RSRC2: variants seen among roughly 807,000 people sequenced by gnomAD.
RSRC2 encodes the protein arginine and serine rich coiled-coil 2.
In RSRC2, 5 loss-of-function variants were observed where a neutral mutation model predicts 61.3. The observed-to-expected ratio is 0.08, with a 90% confidence interval of 0.04 to 0.17. The LOEUF is 0.17. Among genes scored for constraint, RSRC2 ranks in the 10% least tolerant of loss-of-function variants. RSRC2 has a pLI of 1.00. For synonymous variants in RSRC2, 202 were observed against 166.5 expected (o/e 1.21, Z -1.64); for missense variants, 381 against 518.8 (o/e 0.73, Z 2.58).
intron 6 of RSRC2, chr12:122,513,890 A>C (rs1423293660): frequency 7.1e-6 from 6 of 847,326 alleles, no homozygotes; most frequent in African/African-American, 1.8e-5. Flanking sequence ...AAAAATACAA[A>C]AATTAGCCAG....
chr12:122,525,429 T>C (rs564334725), intron 1 of RSRC2, among the ~76,000 whole-genome samples: 2 of 152,162 alleles, frequency 1.3e-5, no homozygotes, highest in South Asian at 4.2e-4. Context: ...ACTCTTTAAG[T>C]ATACTGAGGC....
Position 122,517,358 on chromosome 12 carries a change from G to A in RSRC2, c.471C>T (p.Ser157=). 2 of 1,614,028 alleles carry A rather than the reference G, an allele frequency of 1.2e-6. No homozygotes were observed. The highest frequency in any genetic ancestry group is 4.5e-5 in the East Asian group (2 of 44,882). ...TCGATTTCTTCCTCTCTCTGCTTCT[G>A]GATCTCGATTTCTTCCGCTCCCTAC... The part of the protein sequence containing the change: ...SRSRERKKSR[S]RSRERKKSRS... The change falls in exon 5 of 10, where the codon TCC becomes TCT. Residue 157 remains serine, a synonymous_variant. Coordinates refer to ENST00000331738, the MANE Select transcript of RSRC2 (RefSeq NM_023012.6).
At chr12:122,523,815 T>C (rs1418268972) in intron 1 of RSRC2, 1 of 152,186 alleles carries the variant, frequency 6.6e-6, no homozygotes, top group African/African-American at 2.4e-5. Flanking sequence ...GTCGAGTTAC[T>C]TCAACAAGTA....
At position 122,517,423 on chromosome 12, in the gene RSRC2, G is replaced by C. The variant is rs772016452; in HGVS notation, c.406C>G (p.Arg136Gly). The C allele has an allele frequency of 6.2e-7, 1 of 1,613,970 alleles. No homozygotes were observed. Among genetic ancestry groups the C allele is most frequent in the Non-Finnish European group, 8.5e-7 (1 of 1,179,982 alleles). The change falls in exon 5 of 10, where the codon CGT becomes GGT. Residue 136 changes from arginine to glycine, a missense_variant. This residue lies in a region of RSRC2 where 266 missense variants were observed against 270.5 expected (regional missense o/e 0.98). Transcript: ENST00000331738. ...SRSRSRERRH[R>G]SRSRERKKSR... ...TTCTTCCGCTCCCTGCTTCTACTAC[G>C]ATGGCGTCTGAAATTAAAGTGCACA...
At chr12:122,517,557 GAAAT>G (rs1565900125) in intron 4 of RSRC2, 127 bp from the exon 5 acceptor site, 2 of 1,106,748 alleles carry the variant, frequency 1.8e-6, no homozygotes, top group Non-Finnish European at 1.3e-6. Flanking sequence ...ATTATTTACA[GAAAT>G]AAGCGAGATT....
intron 9 of RSRC2, chr12:122,506,600 C>G: frequency 2.4e-6 from 1 of 417,326 alleles, no homozygotes; most frequent in Non-Finnish European, 4.3e-6. Context: ...ACAGAGCAAG[C>G]AGAGCAAAAC....
chr12:122,517,254 C>G lies in RSRC2; in HGVS notation c.575G>C (p.Ser192Thr). 1 of 1,614,174 alleles carries G rather than the reference C, an allele frequency of 6.2e-7. No individual in the cohort carries two copies. The highest frequency in any genetic ancestry group is 8.5e-7 in the Non-Finnish European group (1 of 1,180,028). ...ACTCCTACTCCTTGTCCTACTCCTGCTTCTAGTCCTATGCCTGTGTCTTGA... is the reference window on the plus strand; with the variant it reads ...ACTCCTACTCCTTGTCCTACTCCTGGTTCTAGTCCTATGCCTGTGTCTTGA... ...SRSRHRHRTR[S>T]RSRTRSRSRD... Residue 192 changes from serine to threonine, a missense_variant, in exon 5 of 10, where the codon AGC (serine) becomes ACC (threonine). Ser to Thr is a moderately conservative substitution (Grantham distance 58, BLOSUM62 1). Coordinates refer to ENST00000331738, the MANE Select transcript of RSRC2 (RefSeq NM_023012.6).
intron 7 of RSRC2, among the ~76,000 whole-genome samples, chr12:122,509,594 C>T (rs1468880377): frequency 6.6e-6 from 1 of 152,104 alleles, no homozygotes; most frequent in Non-Finnish European, 1.5e-5. Flanking sequence ...CTCTGATTAC[C>T]TATTTTTGTC....
At chr12:122,509,466 A>C (rs1348764229) in intron 7 of RSRC2, among the ~76,000 whole-genome samples, 1 of 151,670 alleles carries the variant, frequency 6.6e-6, no homozygotes, top group East Asian at 1.9e-4. Context: ...AAAAACAAAA[A>C]CAAAAACAAA....
chr12:122,509,909 G>A (rs550966427), intron 7 of RSRC2, among the ~76,000 whole-genome samples: 1 of 152,162 alleles, frequency 6.6e-6, no homozygotes, highest in Admixed American at 6.5e-5. Flanking sequence ...CGTGATGTTG[G>A]CTCACTGCAA....
At chr12:122,514,581 T>TAA (rs79986881) in intron 6 of RSRC2, 811 of 913,942 alleles carry the variant, frequency 8.9e-4, no homozygotes, top group African/African-American at 5.9e-3. Context: ...AGCAGAAAAT[T>TAA]AAAAAAAAAA....
At chr12:122,506,638 G>A in intron 9 of RSRC2, 196 bp downstream of exon 9, 1 of 525,490 alleles carries the variant, frequency 1.9e-6, no homozygotes, top group Non-Finnish European at 3.4e-6. Flanking sequence ...CTCCAAGTGT[G>A]TGTGTAGGGA....
intron 7 of RSRC2, among the ~76,000 whole-genome samples, chr12:122,509,012 T>C (rs1958304122): frequency 6.6e-6 from 1 of 152,024 alleles, no homozygotes. Flanking sequence ...CTGCAAATAG[T>C]AAGAAAGTAT....
chr12:122,522,303 A>T lies in RSRC2; in HGVS notation c.7-4T>A. 6.3e-7 allele frequency: 1 copy of T among 1,578,298 alleles called. No homozygotes were observed. The highest frequency in any genetic ancestry group is 8.6e-7 in the Non-Finnish European group (1 of 1,169,010). On this transcript the variant is annotated splice_region_variant and splice_polypyrimidine_tract_variant and intron_variant, in intron 1 of 9. Transcript: ENST00000331738. ...CATCTCGCTCTGTATCACTAGCCTA[A>T]AAGTTTAAAAACAAATGATTAAAGT...
intron 6 of RSRC2, among the ~76,000 whole-genome samples, chr12:122,514,357 T>C (rs1352124622): frequency 6.6e-6 from 1 of 150,656 alleles, no homozygotes; most frequent in African/African-American, 2.4e-5. Context: ...CTCTGCCTCA[T>C]GGGTTCAAGC....
chr12:122,506,987 C>A, intron 8 of RSRC2, 64 bp from the exon 9 acceptor site: 1 of 854,714 alleles, frequency 1.2e-6, no homozygotes, highest in South Asian at 1.5e-5. Flanking sequence ...CATGAAATCT[C>A]TCAACAATGT....
chr12:122,518,021 G>A (rs1959062595), intron 4 of RSRC2, among the ~76,000 whole-genome samples: 1 of 152,152 alleles, frequency 6.6e-6, no homozygotes, highest in Admixed American at 6.5e-5. Flanking sequence ...TCTCAGCTGG[G>A]CAGAGTGACT....
intron 3 of RSRC2, 45 bp from the exon 4 acceptor site, chr12:122,519,074 A>G (rs756146572): frequency 1.3e-6 from 2 of 1,547,144 alleles, no homozygotes; most frequent in Non-Finnish European, 1.8e-6. Flanking sequence ...TAGTGCAACA[A>G]AGAGAGTTAG....
chr12:122,511,022 C>T, intron 7 of RSRC2, 87 bp downstream of exon 7: 7 of 957,378 alleles, frequency 7.3e-6, no homozygotes, highest in Admixed American at 2.4e-5. Context: ...GCACTCCAGT[C>T]AGAATGACAG....
Sources: allele counts gnomAD v4.1 joint callset (sites outside exome capture counted in the v4.1 genomes callset), GRCh38; gene constraint gnomAD v4.1.1; regional missense constraint gnomAD v4.1.1; transcripts MANE v1.5; gene names NCBI Gene and HGNC (gene_info 2026-07-23, HGNC 2026-07-21).